KCNIP4: variants seen among roughly 807,000 people sequenced by gnomAD.
KCNIP4 encodes the protein potassium voltage-gated channel interacting protein 4, also known as Kv channel-interacting protein 4.
A neutral mutation model predicts 34.0 loss-of-function variants in KCNIP4; 12 were observed. The ratio of observed to expected loss-of-function variants is 0.35; its 90% CI spans 0.23 to 0.57. The LOEUF is 0.57. Ranked by LOEUF, KCNIP4 falls within the 20% of genes least tolerant of loss-of-function variation. The pLI, the probability that KCNIP4 is intolerant of heterozygous loss-of-function variation, is 0.83. For missense variants in KCNIP4, 238 were observed against 311.7 expected (o/e 0.76, Z 1.78); for synonymous variants, 124 against 102.2 (o/e 1.21, Z -1.29).
At chr4:20,891,982 G>T (rs1279713046) in intron 1 of KCNIP4, among the ~76,000 whole-genome samples, 2 of 152,036 alleles carry the variant, frequency 1.3e-5, no homozygotes, top group East Asian at 1.9e-4. Flanking sequence ...GATAACTTGG[G>T]GTTCATATGC....
chr4:21,723,945 C>A (rs1715007130), intron 1 of KCNIP4, among the ~76,000 whole-genome samples: 1 of 151,986 alleles, frequency 6.6e-6, no homozygotes, highest in South Asian at 2.1e-4. Flanking sequence ...CATTCCTCAG[C>A]CAATTTTATA....
intron 1 of KCNIP4, among the ~76,000 whole-genome samples, chr4:21,475,944 G>T (rs928795848): frequency 7.9e-5 from 12 of 152,080 alleles, no homozygotes; most frequent in Non-Finnish European, 1.3e-4. Flanking sequence ...CCAATGCGCT[G>T]TTATTAAATT....
intron 1 of KCNIP4, among the ~76,000 whole-genome samples, chr4:20,978,828 T>C (rs1735739876): frequency 6.6e-6 from 1 of 152,190 alleles, no homozygotes. Context: ...GAGAATATCT[T>C]GAAGGCAGCA....
intron 1 of KCNIP4, among the ~76,000 whole-genome samples, chr4:21,215,754 A>T (rs1204789882): frequency 6.6e-6 from 1 of 152,192 alleles, no homozygotes; most frequent in African/African-American, 2.4e-5. Flanking sequence ...ATAAAAGTAA[A>T]CTAGCAATTA....
chr4:21,308,509 G>T (rs1327765175), intron 1 of KCNIP4, among the ~76,000 whole-genome samples: 1 of 152,186 alleles, frequency 6.6e-6, no homozygotes, highest in African/African-American at 2.4e-5. Flanking sequence ...TCTGAAGCCA[G>T]TGGGGCTGAT....
At chr4:21,699,433 T>C (rs1326466659) in intron 1 of KCNIP4, among the ~76,000 whole-genome samples, 1 of 152,114 alleles carries the variant, frequency 6.6e-6, no homozygotes, top group Non-Finnish European at 1.5e-5. Flanking sequence ...ATATCCCATA[T>C]GAGTAAGTGC....
At chr4:21,222,178 A>C (rs34262628) in intron 1 of KCNIP4, among the ~76,000 whole-genome samples, 1,709 of 152,310 alleles carry the variant, frequency 0.011, 17 homozygotes, top group Non-Finnish European at 0.018. Flanking sequence ...GGATAACCCC[A>C]AAGAGATAAG....
intron 1 of KCNIP4, among the ~76,000 whole-genome samples, chr4:21,058,728 T>C (rs28513211): frequency 0.02 from 2,977 of 152,254 alleles, 100 homozygotes; most frequent in African/African-American, 0.068. Flanking sequence ...AACTTTTTTC[T>C]ATAATAAGCT....
chr4:21,727,595 G>A (rs192630181), intron 1 of KCNIP4, among the ~76,000 whole-genome samples: 3 of 152,220 alleles, frequency 2.0e-5, no homozygotes, highest in African/African-American at 7.2e-5. Context: ...GTGGGAGGCC[G>A]AGGTGGGTAG....
intron 3 of KCNIP4, among the ~76,000 whole-genome samples, chr4:20,794,785 T>C (rs1418200180): frequency 1.3e-5 from 2 of 152,234 alleles, no homozygotes; most frequent in African/African-American, 4.8e-5. Context: ...TAAGTGTGGC[T>C]TAGGGCATTC....
At chr4:20,798,109 T>G (rs1286442200) in intron 3 of KCNIP4, among the ~76,000 whole-genome samples, 1 of 152,274 alleles carries the variant, frequency 6.6e-6, no homozygotes, top group East Asian at 1.9e-4. Context: ...AACACATTCA[T>G]TAAGTGCCTA....
At chr4:20,898,774 A>T (rs1485542938) in intron 1 of KCNIP4, among the ~76,000 whole-genome samples, 1 of 152,180 alleles carries the variant, frequency 6.6e-6, no homozygotes, top group African/African-American at 2.4e-5. Context: ...TCTATATCGT[A>T]TCTATCTATC....
At chr4:20,936,712 A>G (rs1206981757) in intron 1 of KCNIP4, among the ~76,000 whole-genome samples, 2 of 149,752 alleles carry the variant, frequency 1.3e-5, no homozygotes, top group African/African-American at 2.5e-5. Context: ...GAGCTCATCC[A>G]CAAGCAACAG....
chr4:21,704,264 C>T (rs1266477262), intron 1 of KCNIP4, among the ~76,000 whole-genome samples: 8 of 152,086 alleles, frequency 5.3e-5, no homozygotes, highest in South Asian at 2.1e-4. Context: ...TCTAGGGCTA[C>T]GCAGAGTCCT....
intron 1 of KCNIP4, among the ~76,000 whole-genome samples, chr4:20,998,491 C>T (rs1436237089): frequency 6.6e-6 from 1 of 152,146 alleles, no homozygotes; most frequent in Non-Finnish European, 1.5e-5. Context: ...CTATTGATTA[C>T]CTATAAGGGA....
At chr4:20,900,236 A>C (rs1727019936) in intron 1 of KCNIP4, among the ~76,000 whole-genome samples, 1 of 152,204 alleles carries the variant, frequency 6.6e-6, no homozygotes, top group Admixed American at 6.5e-5. Flanking sequence ...AATATGCTAT[A>C]ACTAAACATT....
At chr4:21,865,910 T>C (rs1725384592) in intron 1 of KCNIP4, among the ~76,000 whole-genome samples, 1 of 133,644 alleles carries the variant, frequency 7.5e-6, no homozygotes, top group Non-Finnish European at 1.7e-5. Context: ...TGCCACCATA[T>C]ATATATATAT....
At chr4:21,921,913 T>C (rs1203817591) in intron 1 of KCNIP4, among the ~76,000 whole-genome samples, 2 of 152,146 alleles carry the variant, frequency 1.3e-5, no homozygotes, top group South Asian at 2.1e-4. Context: ...ACCCTCCTCA[T>C]AGTGTCCTAA....
At chr4:20,883,646 G>T (rs2149526240) in intron 1 of KCNIP4, among the ~76,000 whole-genome samples, 1 of 152,054 alleles carries the variant, frequency 6.6e-6, no homozygotes, top group Non-Finnish European at 1.5e-5. Context: ...TTAAATCGAG[G>T]TTCTACCATC....
Sources: gnomAD v4.1 joint callset for allele counts (sites outside exome capture counted in the v4.1 genomes callset) on GRCh38, gnomAD v4.1.1 for gene constraint, MANE v1.5 for transcripts, NCBI Gene and HGNC (gene_info 2026-07-23, HGNC 2026-07-21) for gene names.